The following CKAP5 variants were observed in gnomAD, a reference collection of about 807,000 sequenced individuals.
CKAP5 encodes the protein cytoskeleton associated protein 5, also known as cytoskeleton-associated protein 5.
A neutral mutation model predicts 232.8 loss-of-function variants in CKAP5; 27 were observed. That is an observed-to-expected ratio of 0.12 (90% CI 0.09 to 0.16). The LOEUF is 0.16. CKAP5 is among the 10% of genes least tolerant of loss of function. The pLI, the probability that CKAP5 is intolerant of heterozygous loss-of-function variation, is 1.00. For synonymous variants in CKAP5, 785 were observed against 841.1 expected, an observed-to-expected ratio of 0.93 and a Z score of 1.16; for missense variants, 1,838 against 2,424.7, an observed-to-expected ratio of 0.76 and a Z score of 5.08.
At chr11:46,796,165 A>G (rs904243466) in intron 12 of CKAP5, among the ~76,000 whole-genome samples, 2 of 8,626 alleles carry the variant, frequency 2.3e-4, no homozygotes, top group African/African-American at 6.2e-4. Context: ...ATTCATTGCC[A>G]AAAAAAAAAA....
chr11:46,751,358 T>A lies in CKAP5; in HGVS notation c.5310A>T (p.Leu1770Phe). ...LKTLLHTLCK[L>F]KGPKILDHLT... ...GATTCTTACTCACCTTGGGCCCTTT[T>A]AATTTGCATAAGGTGTGTAGCAGGG... Residue 1770 changes from leucine to phenylalanine, a missense_variant, in exon 39 of 44, where the codon TTA becomes TTT. Around this residue, in one of 6 missense-constraint regions of CKAP5, gnomAD observed 579 missense variants for 843.2 expected, o/e 0.69. Coordinates refer to ENST00000529230, the MANE Select transcript of CKAP5 (RefSeq NM_001008938.4). The A allele has an allele frequency of 6.2e-7, 1 of 1,613,780 alleles. No homozygotes were observed. The highest frequency in any genetic ancestry group is 8.5e-7 in the Non-Finnish European group (1 of 1,179,824).
In CKAP5 at chr11:46,801,156, T is replaced by G. The variant is rs180978200; in HGVS notation, c.1083+44A>C. On this transcript the variant is annotated intron_variant, in intron 9 of 43. Transcript: ENST00000529230. ...AACAGCAAACTAGGCCTACCATTTT[T>G]GATAAATTTTGTTGATCTGTATCTA... 3.6e-4 allele frequency: 501 copies of G among 1,401,074 alleles called. 1 individual carries two copies. The Middle Eastern group carries it at 5.5e-3, about 15-fold the overall frequency. The allele number at this position is 1,401,074 out of a possible 1,614,324, so 86.8% of individuals were successfully genotyped here. A position where few individuals can be genotyped will look rare whatever the true frequency, so the allele number is the denominator to read the frequency against.
rs142364564 is a variant in CKAP5, at chr11:46,752,161, CATATAT to C, written c.5133+468_5133+473del. Among the ~76,000 whole-genome samples the C allele has an allele frequency of 0.011, 988 of 88,808 alleles. 100 individuals carry two copies. In the East Asian group the frequency reaches 0.3, roughly 27 times the overall value. 58.3% of individuals were successfully genotyped at this position (88,808 alleles called of 152,430 possible). ...GGAAGGGAAAAACTGAAGACCAATTCATATATATATATATATATATATATATATATA... is the reference window on the plus strand; with the variant it reads ...GGAAGGGAAAAACTGAAGACCAATTCATATATATATATATATATATATATA... On this transcript the variant is annotated intron_variant, in intron 38 of 43. Transcript: ENST00000529230.
intron 3 of CKAP5, 36 bp downstream of exon 3, chr11:46,818,274 G>A: frequency 6.7e-7 from 1 of 1,483,988 alleles, no homozygotes; most frequent in Non-Finnish European, 9.1e-7. Context: ...ACCAAACAGG[G>A]GTTTTTATCA....
At chr11:46,782,350 T>C (rs1265520621) in intron 18 of CKAP5, among the ~76,000 whole-genome samples, 1 of 152,166 alleles carries the variant, frequency 6.6e-6, no homozygotes, top group Non-Finnish European at 1.5e-5. Flanking sequence ...GGAAAATATA[T>C]GGCTTTTATA....
intron 42 of CKAP5, among the ~76,000 whole-genome samples, chr11:46,745,845 G>C (rs181989548): frequency 3.9e-5 from 6 of 151,950 alleles, no homozygotes; most frequent in Non-Finnish European, 7.4e-5. Flanking sequence ...CCAGCTACTC[G>C]GGAGGCCAAG....
chr11:46,769,896 C>G (rs780628353), intron 26 of CKAP5, 67 bp downstream of exon 26: 10 of 1,525,812 alleles, frequency 6.6e-6, no homozygotes, highest in Non-Finnish European at 8.2e-6. Context: ...AAAGACAAGG[C>G]TGAATGTCTT....
intron 35 of CKAP5, 99 bp downstream of exon 35, chr11:46,758,824 G>T: frequency 7.6e-7 from 1 of 1,323,610 alleles, no homozygotes; most frequent in Non-Finnish European, 1.0e-6. Flanking sequence ...AACACTGCCT[G>T]CATCCCCTAA....
intron 1 of CKAP5, among the ~76,000 whole-genome samples, chr11:46,839,268 G>A (rs534940917): frequency 2.4e-4 from 36 of 152,324 alleles, no homozygotes; most frequent in African/African-American, 8.7e-4. Flanking sequence ...GGTAGGGGTA[G>A]AGTGAAGTGA....
At chr11:46,759,567 A>G in intron 33 of CKAP5, 125 bp from the exon 34 acceptor site, 1 of 911,096 alleles carries the variant, frequency 1.1e-6, no homozygotes, top group South Asian at 1.8e-5. Context: ...GCCCCCCTGA[A>G]TGATTTAAGT....
rs1443017410 is a variant in CKAP5, at chr11:46,743,070, G to T, written c.*953C>A. ...CATCCTTACTCTGACTGAATGTGAA[G>T]CAACTGTTAGCCTGGACCAAAAGAG... On this transcript the variant is annotated 3_prime_UTR_variant, in exon 44 of 44. Coordinates refer to ENST00000529230, the MANE Select transcript of CKAP5 (RefSeq NM_001008938.4). The T allele has an allele frequency of 6.6e-6, 1 of 152,188 alleles. No homozygotes were observed. Among genetic ancestry groups the T allele is most frequent in the Non-Finnish European group, 1.5e-5 (1 of 68,042 alleles). The allele number at this position is 152,188 out of a possible 1,614,324, so 9.4% of individuals were successfully genotyped here. A position where few individuals can be genotyped will look rare whatever the true frequency, so the allele number is the denominator to read the frequency against.
chr11:46,822,659 G>A (rs535404317), intron 1 of CKAP5, among the ~76,000 whole-genome samples: 7 of 150,376 alleles, frequency 4.7e-5, no homozygotes, highest in African/African-American at 1.7e-4. Context: ...GCTGAGATAG[G>A]AGAATGGCGT....
intron 27 of CKAP5, 120 bp from the exon 28 acceptor site, chr11:46,765,376 C>A: frequency 1.1e-6 from 1 of 901,500 alleles, no homozygotes; most frequent in Non-Finnish European, 1.6e-6. Context: ...TGATATTTCA[C>A]ATGAAAAAAA....
intron 13 of CKAP5, among the ~76,000 whole-genome samples, chr11:46,794,806 A>G (rs1371191785): frequency 1.3e-5 from 2 of 152,204 alleles, no homozygotes; most frequent in African/African-American, 4.8e-5. Flanking sequence ...ACTGCCCTCC[A>G]GCTTGGACAA....
At chr11:46,793,188 A>AT (rs957419926) in intron 13 of CKAP5, among the ~76,000 whole-genome samples, 10 of 152,346 alleles carry the variant, frequency 6.6e-5, no homozygotes, top group Admixed American at 2.0e-4. Flanking sequence ...TCTTAGTTTC[A>AT]TTTTTTGGAA....
chr11:46,819,325 C>T (rs558274984), intron 2 of CKAP5, among the ~76,000 whole-genome samples: 2 of 152,180 alleles, frequency 1.3e-5, no homozygotes, highest in South Asian at 4.1e-4. Context: ...GTATTTCCCA[C>T]TCCTATAAAG....
chr11:46,792,816 G>C (rs1938772705), intron 13 of CKAP5, among the ~76,000 whole-genome samples: 2 of 152,142 alleles, frequency 1.3e-5, no homozygotes, highest in South Asian at 4.1e-4. Context: ...AGAAAATCTG[G>C]ACACATCTTT....
In CKAP5 at chr11:46,795,634, G is replaced by A. The variant is rs754950082; in HGVS notation, c.1610C>T (p.Ala537Val). Reference protein sequence around the residue: ...AGDKDTKDISAPKPGPLKKAP... With the variant: ...AGDKDTKDISVPKPGPLKKAP... ...CTTTTTTAGAGGTCCTGGTTTGGGT[G>A]CAGAAATGTCCTTTGTGTCCTTATC... The change falls in exon 13 of 44, where the codon GCA becomes GTA. Residue 537 changes from alanine (A) to valine (V), a missense_variant. By Grantham distance (64) the Ala-to-Val change is moderately conservative (BLOSUM62 0). Around this residue, in one of 6 missense-constraint regions of CKAP5, gnomAD observed 767 missense variants for 954.6 expected, o/e 0.80. Transcript: ENST00000529230. 7.4e-6 allele frequency: 12 copies of A among 1,614,022 alleles called. No homozygotes were observed. The Admixed American group carries it at 1.0e-4, about 13-fold the overall frequency.
At chr11:46,799,967 C>T (rs1938988157) in intron 9 of CKAP5, among the ~76,000 whole-genome samples, 1 of 151,716 alleles carries the variant, frequency 6.6e-6, no homozygotes, top group South Asian at 2.1e-4. Context: ...TGCCACTGCA[C>T]TCCAGCCTGG....
Sources: allele counts gnomAD v4.1 joint callset (sites outside exome capture counted in the v4.1 genomes callset), GRCh38; gene constraint gnomAD v4.1.1; regional missense constraint gnomAD v4.1.1; transcripts MANE v1.5; gene names NCBI Gene and HGNC (gene_info 2026-07-23, HGNC 2026-07-21).